Variants in SYT9 observed in about 807,000 individuals in gnomAD.
The protein encoded by SYT9 is synaptotagmin 9.
Under a neutral mutation model 48.4 loss-of-function variants are expected in SYT9, and 22 were observed. The observed-to-expected ratio is 0.45, with a 90% CI of 0.32 to 0.65. SYT9 has a LOEUF of 0.65. Ranked by LOEUF, SYT9 falls within the 30% of genes least tolerant of loss-of-function variation. SYT9 has a pLI of 0.03. For synonymous variants in SYT9, 265 were observed against 245.0 expected (o/e 1.08, Z -0.76); for missense variants, 577 against 622.0 (o/e 0.93, Z 0.77).
At chr11:7,394,133 C>T (rs1486911945) in intron 3 of SYT9, among the ~76,000 whole-genome samples, 7 of 151,622 alleles carry the variant, frequency 4.6e-5, no homozygotes, top group Non-Finnish European at 1.0e-4. Context: ...CACAACAGGC[C>T]CCAGTGTGTG....
At chr11:7,389,310 A>G (rs1850718861) in intron 3 of SYT9, among the ~76,000 whole-genome samples, 1 of 152,176 alleles carries the variant, frequency 6.6e-6, no homozygotes, top group South Asian at 2.1e-4. Flanking sequence ...TGGGGTATCA[A>G]AAGTGTATTA....
intron 3 of SYT9, among the ~76,000 whole-genome samples, chr11:7,373,373 C>G (rs1191155479): frequency 6.6e-6 from 1 of 152,092 alleles, no homozygotes; most frequent in Admixed American, 6.6e-5. Flanking sequence ...TCCCATTCCC[C>G]TATTTCACCC....
chr11:7,378,358 C>T (rs541312562), intron 3 of SYT9, among the ~76,000 whole-genome samples: 5 of 152,054 alleles, frequency 3.3e-5, no homozygotes, highest in East Asian at 1.9e-4. Context: ...ATCCATGGAA[C>T]GATTTAAGCT....
At chr11:7,411,057 G>GT (rs1847129282) in intron 3 of SYT9, among the ~76,000 whole-genome samples, 1 of 152,150 alleles carries the variant, frequency 6.6e-6, no homozygotes, top group Non-Finnish European at 1.5e-5. Context: ...GTTTCACCAT[G>GT]TTGGCCAGGC....
At chr11:7,265,875 G>T (rs545190457) in intron 1 of SYT9, among the ~76,000 whole-genome samples, 2 of 151,988 alleles carry the variant, frequency 1.3e-5, no homozygotes, top group African/African-American at 2.4e-5. Context: ...TAACCATACG[G>T]TACATAAACC....
chr11:7,366,845 A>G (rs1850253637), intron 3 of SYT9, among the ~76,000 whole-genome samples: 1 of 151,948 alleles, frequency 6.6e-6, no homozygotes, highest in South Asian at 2.1e-4. Context: ...AGTTCCACAA[A>G]TTGTGTTCAA....
At chr11:7,384,666 A>C (rs1850624318) in intron 3 of SYT9, among the ~76,000 whole-genome samples, 1 of 152,154 alleles carries the variant, frequency 6.6e-6, no homozygotes, top group South Asian at 2.1e-4. Context: ...GCTGTGGGCT[A>C]TCCTGTAATA....
intron 6 of SYT9, among the ~76,000 whole-genome samples, chr11:7,431,065 G>A (rs1053098411): frequency 1.3e-5 from 2 of 152,208 alleles, no homozygotes; most frequent in Non-Finnish European, 1.5e-5. Context: ...ACAGAAAGAT[G>A]AGAGAAAGTT....
intron 3 of SYT9, among the ~76,000 whole-genome samples, chr11:7,393,374 T>G (rs1400400322): frequency 6.6e-6 from 1 of 152,090 alleles, no homozygotes; most frequent in Non-Finnish European, 1.5e-5. Flanking sequence ...ATCTTTTTTT[T>G]TAATAATTCT....
chr11:7,466,014 G>C (rs1848327567), intron 6 of SYT9, among the ~76,000 whole-genome samples: 1 of 152,072 alleles, frequency 6.6e-6, no homozygotes, highest in Non-Finnish European at 1.5e-5. Flanking sequence ...TTTGGGTGGG[G>C]GCACAACTAA....
At chr11:7,391,539 G>C (rs1452097063) in intron 3 of SYT9, among the ~76,000 whole-genome samples, 1 of 151,758 alleles carries the variant, frequency 6.6e-6, no homozygotes, top group East Asian at 1.9e-4. Flanking sequence ...GTTTTCATTT[G>C]CATTGTGGTT....
chr11:7,356,870 T>A (rs1850031343), intron 3 of SYT9, among the ~76,000 whole-genome samples: 1 of 152,234 alleles, frequency 6.6e-6, no homozygotes, highest in African/African-American at 2.4e-5. Context: ...ACTGCACTGC[T>A]ATGTTCCAGG....
At chr11:7,259,985 C>G (rs1181282907) in intron 1 of SYT9, among the ~76,000 whole-genome samples, 2 of 152,066 alleles carry the variant, frequency 1.3e-5, no homozygotes, top group Admixed American at 1.3e-4. Flanking sequence ...ATTTGAATCT[C>G]TTTTTCTTTA....
intron 3 of SYT9, among the ~76,000 whole-genome samples, chr11:7,356,730 T>C (rs1444921224): frequency 1.3e-5 from 2 of 152,226 alleles, no homozygotes; most frequent in Non-Finnish European, 1.5e-5. Flanking sequence ...AATAGAAGCT[T>C]CACTTACAGG....
chr11:7,355,038 C>G (rs190560084), intron 3 of SYT9, among the ~76,000 whole-genome samples: 1 of 152,062 alleles, frequency 6.6e-6, no homozygotes, highest in African/African-American at 2.4e-5. Context: ...AAGGGATTTT[C>G]GATACACATT....
rs140181579 is a variant in SYT9, at chr11:7,239,786, A to C, written c.49+870A>C. Among the ~76,000 whole-genome samples the C allele has an allele frequency of 2.9e-3, 438 of 152,318 alleles. 4 individuals are homozygous for C. Among genetic ancestry groups the C allele is most frequent in the African/African-American group, 9.6e-3 (401 of 41,562 alleles). ...ATTAGGAGGGAGAAGGGAAAAAACA[A>C]GACAGAAGGAATGATGCATTAGTTT... On this transcript the variant is annotated intron_variant and NMD_transcript_variant, in intron 1 of 8. Coordinates refer to the SYT9 transcript ENST00000524820.
At chr11:7,380,111 T>C (rs759028394) in intron 3 of SYT9, among the ~76,000 whole-genome samples, 1 of 152,068 alleles carries the variant, frequency 6.6e-6, no homozygotes, top group Non-Finnish European at 1.5e-5. Context: ...TACTCAGCCA[T>C]AAAAAGGAAT....
chr11:7,350,819 G>T (rs1191680058), intron 3 of SYT9, among the ~76,000 whole-genome samples: 2 of 152,194 alleles, frequency 1.3e-5, no homozygotes, highest in Non-Finnish European at 2.9e-5. Flanking sequence ...CTTGCATTTT[G>T]ACACTATCTA....
intron 3 of SYT9, among the ~76,000 whole-genome samples, chr11:7,360,233 C>A (rs1483991238): frequency 1.3e-5 from 2 of 152,104 alleles, no homozygotes; most frequent in African/African-American, 4.8e-5. Context: ...GTACCAGTAC[C>A]ATGCTGTTTT....
Sources: gnomAD v4.1 joint callset for allele counts (sites outside exome capture counted in the v4.1 genomes callset) on GRCh38, gnomAD v4.1.1 for gene constraint, MANE v1.5 for transcripts, NCBI Gene and HGNC (gene_info 2026-07-23, HGNC 2026-07-21) for gene names.